TET3: variants seen among roughly 807,000 people sequenced by gnomAD.
The protein encoded by TET3 is methylcytosine dioxygenase TET3.
Under a neutral mutation model 141.4 loss-of-function variants are expected in TET3, and 19 were observed. The observed-to-expected ratio is 0.13, with a 90% confidence interval of 0.09 to 0.20. The LOEUF (loss-of-function observed/expected upper bound fraction) is 0.20, where lower values mean the gene tolerates loss of function less well. TET3 is among the 10% of genes least tolerant of loss of function. The pLI is 1.00. For synonymous variants in TET3, 1,043 were observed against 980.9 expected, an observed-to-expected ratio of 1.06 and a Z score of -1.18; for missense variants, 1,874 against 2,356.9, an observed-to-expected ratio of 0.80 and a Z score of 4.24.
intron 3 of TET3, among the ~76,000 whole-genome samples, chr2:74,038,347 C>T (rs1362433112): frequency 6.6e-6 from 1 of 152,102 alleles, no homozygotes; most frequent in Non-Finnish European, 1.5e-5. Context: ...TTCCTGCTGC[C>T]CCTAGGTGAT....
At position 74,081,412 on chromosome 2, in the gene TET3, T is replaced by C. The variant is rs963373661; in HGVS notation, c.2679+821T>C. On this transcript the variant is annotated intron_variant, in intron 6 of 11. Coordinates refer to ENST00000409262, the MANE Select transcript of TET3 (RefSeq NM_001287491.2). ...CCCTATGTTCAAGCTGTTTGTGCTC[T>C]AGAGACATATGAAATAAAGTCATGG... 4.6e-5 allele frequency among the ~76,000 whole-genome samples: 7 copies of C among 152,212 alleles called. No individual in the cohort carries two copies. In the South Asian group the frequency reaches 1.4e-3, roughly 32 times the overall value.
At chr2:74,061,319 G>A (rs1286877702) in intron 4 of TET3, among the ~76,000 whole-genome samples, 11 of 139,296 alleles carry the variant, frequency 7.9e-5, no homozygotes, top group South Asian at 4.5e-4. Context: ...AGGGGCGGCC[G>A]GGCAGAGGCG....
rs887863362 is a variant in TET3, at chr2:74,087,310, C to G, written c.2680-520C>G. On this transcript the variant is annotated intron_variant, in intron 6 of 11. Coordinates refer to ENST00000409262, the MANE Select transcript of TET3 (RefSeq NM_001287491.2). This position sits in a 1 kb window ranked among gnomAD's most constrained non-coding sequence, Gnocchi z 4.3. ...TTCAGGGATCTGCCTGAGTCCTGCT[C>G]TCAGTCCCTCGAGTGTATTCCTAGG... Among the ~76,000 whole-genome samples, 1 of 152,206 alleles carries G rather than the reference C, an allele frequency of 6.6e-6. No homozygotes were observed. Among genetic ancestry groups the G allele is most frequent in the Non-Finnish European group, 1.5e-5 (1 of 68,042 alleles).
chr2:74,061,006 G>A (rs1309572254), intron 4 of TET3, among the ~76,000 whole-genome samples: 3 of 152,070 alleles, frequency 2.0e-5, no homozygotes, highest in African/African-American at 7.2e-5. Flanking sequence ...TGTCATCATG[G>A]CCCGTTCTCA....
intron 4 of TET3, among the ~76,000 whole-genome samples, chr2:74,068,360 G>A (rs1689023248): frequency 6.6e-6 from 1 of 152,004 alleles, no homozygotes; most frequent in Admixed American, 6.5e-5. Context: ...TCTTATACAT[G>A]CTGTACTGAA....
the TET3 span, chr2:74,134,775 C>T: frequency 4.4e-5 from 20 of 456,646 alleles, no homozygotes; most frequent in Non-Finnish European, 7.5e-5. Flanking sequence ...ACCCAGACAC[C>T]GTGACCACCA....
Position 74,102,128 on chromosome 2 carries a change from C to G in TET3, c.5340C>G (p.Ser1780=), listed in dbSNP as rs373698380. 93 of 1,483,754 alleles carry G rather than the reference C, an allele frequency of 6.3e-5. No homozygotes were observed. The African/African-American group carries it at 1.1e-3, about 18-fold the overall frequency. The allele number at this position is 1,483,754 out of a possible 1,614,324, so 91.9% of individuals were successfully genotyped here. A position where few individuals can be genotyped will look rare whatever the true frequency, so the allele number is the denominator to read the frequency against. The change falls in exon 12 of 12, where the codon TCC becomes TCG. Residue 1780 remains serine, a synonymous_variant. Transcript: ENST00000409262. The part of the protein sequence containing the change: ...AVPTDSAVTV[S]SYAYTKVTGP... ...CCACAGACTCGGCGGTCACCGTGTC[C>G]TCCTATGCCTACACGAAGGTCACTG...
At position 73,990,414 on chromosome 2, in the gene TET3, G is replaced by A. The variant is rs563238733; in HGVS notation, c.303+3708G>A. ...CACCTCACTTGCTCATAGAAGAACC[G>A]TGGGGCAGAACAGTAGAGCCAGGCA... is the stretch of plus-strand genomic sequence containing the variant. On this transcript the variant is annotated intron_variant, in intron 2 of 11. Transcript: ENST00000409262. Among the ~76,000 whole-genome samples the A allele has an allele frequency of 3.3e-5, 5 of 152,248 alleles. No individual in the cohort carries two copies. The South Asian group carries it at 6.2e-4, about 19-fold the overall frequency.
chr2:74,100,017 C>T (rs879458589), intron 11 of TET3, among the ~76,000 whole-genome samples: 3 of 152,212 alleles, frequency 2.0e-5, no homozygotes, highest in Admixed American at 2.0e-4. Context: ...AGTTCTCATT[C>T]TCCTGGCCCT....
chr2:74,120,352 A>C, the TET3 span, among the ~76,000 whole-genome samples: 1 of 152,200 alleles, frequency 6.6e-6, no homozygotes, highest in African/African-American at 2.4e-5. Flanking sequence ...GCCCGGCAGG[A>C]GCTTCCGGAG....
chr2:74,117,549 C>T, the TET3 span, among the ~76,000 whole-genome samples: 4 of 152,028 alleles, frequency 2.6e-5, no homozygotes, highest in African/African-American at 4.8e-5. Context: ...CCTTTTGATC[C>T]TAAAAAATGT....
chr2:74,071,323 A>T (rs1043970321), intron 4 of TET3, among the ~76,000 whole-genome samples: 4 of 152,250 alleles, frequency 2.6e-5, no homozygotes, highest in Non-Finnish European at 5.9e-5. Context: ...TTCAGTCCAC[A>T]GCAGGCTGTC....
chr2:74,066,733 T>C (rs760219406), intron 4 of TET3, among the ~76,000 whole-genome samples: 9 of 152,218 alleles, frequency 5.9e-5, no homozygotes, highest in Non-Finnish European at 1.0e-4. Flanking sequence ...AGTTCTAGGT[T>C]GTCTTGGTTT....
rs1332784837 is a variant in TET3, at chr2:74,093,488, C to T, written c.3130-41C>T. On this transcript the variant is annotated intron_variant, in intron 9 of 11. Coordinates refer to ENST00000409262, the MANE Select transcript of TET3 (RefSeq NM_001287491.2). The surrounding 1 kb of genome is among the most constrained non-coding windows in gnomAD (Gnocchi z 4.2). ...CCAGGTGCAGAATCGGGGCCACTCA[C>T]CTCAGGTCATGTGAGCACCTCTCCT... The T allele has an allele frequency of 1.3e-6, 2 of 1,546,386 alleles. No individual in the cohort carries two copies. Among genetic ancestry groups the T allele is most frequent in the Non-Finnish European group, 1.8e-6 (2 of 1,140,814 alleles).
chr2:73,988,745 C>G (rs1179896522), intron 2 of TET3, among the ~76,000 whole-genome samples: 1 of 152,126 alleles, frequency 6.6e-6, no homozygotes, highest in Non-Finnish European at 1.5e-5. Context: ...TTCTCTGTTT[C>G]TAGAGAAACA....
Position 74,101,390 on chromosome 2 carries a change from G to A in TET3, c.4602G>A (p.Pro1534=), listed in dbSNP as rs371898753. The A allele has an allele frequency of 1.3e-4, 214 of 1,613,820 alleles. No homozygotes were observed. Among genetic ancestry groups the A allele is most frequent in the Middle Eastern group, 3.3e-4 (2 of 6,080 alleles). Residue 1534 remains proline (P), a synonymous_variant, in exon 12 of 12, where the codon CCG becomes CCA. Transcript: ENST00000409262. This position sits in a 1 kb window ranked among gnomAD's most constrained non-coding sequence, Gnocchi z 8.5. ...CTGGGCCCAGCCTGACTGAGAAGCC[G>A]TGGGCGCTGGGGGCAGGGGATTTCA... ...ALAGPSLTEK[P]WALGAGDFNS...
At chr2:73,999,295 G>T (rs1379185398) in intron 2 of TET3, among the ~76,000 whole-genome samples, 1 of 152,280 alleles carries the variant, frequency 6.6e-6, no homozygotes, top group East Asian at 1.9e-4. Context: ...GTGACCTTGG[G>T]CAAGATACTT....
chr2:74,134,419 A>C, the TET3 span: 4 of 280,586 alleles, frequency 1.4e-5, no homozygotes, highest in Middle Eastern at 1.3e-3. Context: ...AAACGGGGGC[A>C]CAATGTATGA....
chr2:73,986,607 CTG>C lies in TET3; in HGVS notation c.207_208del (p.Cys69TrpfsTer5). 8.1e-7 allele frequency: 1 copy of C among 1,232,208 alleles called. No individual in the cohort carries two copies. The highest frequency in any genetic ancestry group is 1.0e-6 in the Non-Finnish European group (1 of 988,004). The allele number at this position is 1,232,208 out of a possible 1,614,324, so 76.3% of individuals were successfully genotyped here. On this transcript the variant is annotated frameshift_variant, in exon 2 of 12. Coordinates refer to ENST00000409262, the MANE Select transcript of TET3 (RefSeq NM_001287491.2). LOFTEE classifies it high-confidence loss of function. ...GTGAGCCCTGCCGGCGGCTGGAAAA[CTG>C]TGGCGCTTGCACTAGCTGTACCAAC... ...TCEPCRRLEN[C>X]GACTSCTNRR...
Sources: gnomAD v4.1 joint callset for allele counts (sites outside exome capture counted in the v4.1 genomes callset) on GRCh38, gnomAD v4.1.1 for gene constraint, Gnocchi (gnomAD v3.1) non-coding constraint, MANE v1.5 for transcripts, NCBI Gene and HGNC (gene_info 2026-07-23, HGNC 2026-07-21) for gene names.